The following ADPRHL1 variants were observed in gnomAD, a reference collection of about 807,000 sequenced individuals.
ADPRHL1 encodes the protein inactive ADP-ribosyltransferase ARH2.
A neutral mutation model predicts 44.1 loss-of-function variants in ADPRHL1; 43 were observed. The ratio of observed to expected loss-of-function variants is 0.98; its 90% CI spans 0.76 to 1.26. The LOEUF (loss-of-function observed/expected upper bound fraction) is 1.26, where lower values mean the gene tolerates loss of function less well. Ranked by LOEUF, ADPRHL1 falls within the 50% of genes most tolerant of loss-of-function variation. ADPRHL1 has a pLI of 0.00. For missense variants in ADPRHL1, 2,022 were observed against 2,496.9 expected, an observed-to-expected ratio of 0.81 and a Z score of 4.05; for synonymous variants, 878 against 1,017.4, an observed-to-expected ratio of 0.86 and a Z score of 2.61.
chr13:113,408,319 C>T lies in ADPRHL1; in HGVS notation c.1062-99G>A, dbSNP rs1034445190. On this transcript the variant is annotated intron_variant, in intron 7 of 7. Transcript: ENST00000612156. Reference sequence around the variant, plus strand: ...TGGGGCAATCCCACCTTTTCAGGGGCCCCAAAAGTCTGGTAGGGAGAAAAA... The same window carrying T: ...TGGGGCAATCCCACCTTTTCAGGGGTCCCAAAAGTCTGGTAGGGAGAAAAA... 31 of 1,181,050 alleles carry T rather than the reference C, an allele frequency of 2.6e-5. No individual in the cohort carries two copies. In the East Asian group the frequency reaches 9.2e-4, roughly 35 times the overall value. 73.2% of individuals were successfully genotyped at this position (1,181,050 alleles called of 1,614,324 possible).
Position 113,433,106 on chromosome 13 carries a change from C to T in ADPRHL1, c.505+636G>A, listed in dbSNP as rs75093264. Reference sequence around the variant, plus strand: ...GTTAAGGGGGCGACATGATCCAACCCGCTTCACCCTCACACAGCCCGATTT... The same window carrying T: ...GTTAAGGGGGCGACATGATCCAACCTGCTTCACCCTCACACAGCCCGATTT... On this transcript the variant is annotated intron_variant, in intron 3 of 7. Transcript: ENST00000612156. 4.5e-3 allele frequency among the ~76,000 whole-genome samples: 687 copies of T among 152,294 alleles called. 5 individuals carry two copies. Among genetic ancestry groups the T allele is most frequent in the African/African-American group, 0.015 (609 of 41,556 alleles).
chr13:113,408,634 G>T (rs760365570), intron 7 of ADPRHL1, among the ~76,000 whole-genome samples: 19 of 152,244 alleles, frequency 1.2e-4, no homozygotes, highest in Non-Finnish European at 2.9e-5. Context: ...TGTGTGGACT[G>T]TGTATGTCTC....
Position 113,407,689 on chromosome 13 carries a change from G to C in ADPRHL1, c.1593C>G (p.Pro531=), listed in dbSNP as rs1207324968. ...EAREKPPVER[P]KAARGLLPKI... ...TCGGCAAGAGGCCCCTGGCGGCTTT[G>C]GGCCGCTCCACAGGGGGCTTCTCGC... is the stretch of plus-strand genomic sequence containing the variant. The change falls in exon 8 of 8, where the codon CCC becomes CCG. Residue 531 remains proline (P), a synonymous_variant. Coordinates refer to ENST00000612156, the MANE Select transcript of ADPRHL1 (RefSeq NM_001394807.1). 14 of 1,232,084 alleles carry C rather than the reference G, an allele frequency of 1.1e-5. No homozygotes were observed. The highest frequency in any genetic ancestry group is 1.4e-5 in the Non-Finnish European group (14 of 988,012). 76.3% of individuals were successfully genotyped at this position (1,232,084 alleles called of 1,614,324 possible).
chr13:113,425,081 CG>C lies in ADPRHL1; in HGVS notation c.744del (p.Asp249ThrfsTer30), dbSNP rs2043958381. 2 of 1,613,566 alleles carry C rather than the reference CG, an allele frequency of 1.2e-6. No individual in the cohort carries two copies. The highest frequency in any genetic ancestry group is 1.7e-6 in the Non-Finnish European group (2 of 1,179,924). ...SKDSENKAIF[P>X]DNYDAEEREK... ...TCCCTCTCTTCTGCATCATAATTGTCGGGGAAGATGGCTTTATTTTCTGAGT... is the reference window on the plus strand; with the variant it reads ...TCCCTCTCTTCTGCATCATAATTGTCGGGAAGATGGCTTTATTTTCTGAGT... On this transcript the variant is annotated frameshift_variant, in exon 5 of 8. Coordinates refer to ENST00000612156, the MANE Select transcript of ADPRHL1 (RefSeq NM_001394807.1). LOFTEE classifies it high-confidence loss of function.
chr13:113,453,133 G>A lies in ADPRHL1; in HGVS notation c.214+91C>T. 30 of 1,414,350 alleles carry A rather than the reference G, an allele frequency of 2.1e-5. No individual in the cohort carries two copies. The highest frequency in any genetic ancestry group is 3.0e-5 in the Non-Finnish European group (30 of 1,014,110). 87.6% of individuals were successfully genotyped at this position (1,414,350 alleles called of 1,614,324 possible). A position where few individuals can be genotyped will look rare whatever the true frequency, so the allele number is the denominator to read the frequency against. On this transcript the variant is annotated intron_variant, in intron 1 of 7. Transcript: ENST00000612156. This position sits in a 1 kb window ranked among gnomAD's most constrained non-coding sequence, Gnocchi z 5.4. ...ACACCATCCGCTGAAGGACCGCACT[G>A]CCTTCAAAGCTCTCGGAGGCTTACT...
intron 1 of ADPRHL1, among the ~76,000 whole-genome samples, chr13:113,450,395 G>A (rs1490781374): frequency 2.0e-5 from 3 of 152,186 alleles, no homozygotes; most frequent in Admixed American, 1.3e-4. Flanking sequence ...GGGTCGGTGG[G>A]TCTCTCCCTG....
At chr13:113,423,706 G>A (rs867711751) in intron 6 of ADPRHL1, among the ~76,000 whole-genome samples, 21 of 152,254 alleles carry the variant, frequency 1.4e-4, no homozygotes, top group Non-Finnish European at 1.9e-4. Flanking sequence ...GGCCAGAGAC[G>A]GCCAGGGCGG....
chr13:113,428,647 T>G (rs915994874), intron 4 of ADPRHL1, among the ~76,000 whole-genome samples: 1 of 152,214 alleles, frequency 6.6e-6, no homozygotes, highest in African/African-American at 2.4e-5. Context: ...GCCAGTCGCT[T>G]GGTGCCGCGG....
rs770573543 is a variant in ADPRHL1 at position 113,441,223 on chromosome 13, A to G, written c.379+3202T>C. Among the ~76,000 whole-genome samples the G allele has an allele frequency of 6.6e-5, 10 of 152,132 alleles. No homozygotes were observed. Among genetic ancestry groups the G allele is most frequent in the Admixed American group, 1.3e-4 (2 of 15,280 alleles). ...GGGACCTGCTTCTTTATCTAATGTG[A>G]CAACTTCTGACTGTTATTGGGGGTC... On this transcript the variant is annotated intron_variant, in intron 2 of 7. Coordinates refer to ENST00000612156, the MANE Select transcript of ADPRHL1 (RefSeq NM_001394807.1). This position sits in a 1 kb window ranked among gnomAD's most constrained non-coding sequence, Gnocchi z 6.0.
intron 7 of ADPRHL1, chr13:113,421,865 C>T (rs1041887645): frequency 2.0e-5 from 3 of 152,272 alleles, no homozygotes; most frequent in Non-Finnish European, 4.4e-5. Flanking sequence ...GGGATTCCAA[C>T]TCTGCCCAGA....
In ADPRHL1 at chr13:113,407,622, T is replaced by C; in HGVS notation, c.1660A>G (p.Lys554Glu). 8.1e-7 allele frequency: 1 copy of C among 1,232,076 alleles called. No individual in the cohort carries two copies. The highest frequency in any genetic ancestry group is 3.2e-5 in the East Asian group (1 of 31,704). 76.3% of individuals were successfully genotyped at this position (1,232,076 alleles called of 1,614,324 possible). The change falls in exon 8 of 8, where the codon AAG becomes GAG. Residue 554 changes from lysine to glutamate, a missense_variant. Around this residue, in one of 8 missense-constraint regions of ADPRHL1, gnomAD observed 1,221 missense variants for 1,517.8 expected, o/e 0.80. Transcript: ENST00000612156. ...KSSVLSKLRE[K>E]FEQNSCLCSE... Reference sequence around the variant, plus strand: ...CACAGGCAGCTGTTCTGCTCGAACTTCTCCCGCAGCTTGGACAGCACCGAG... The same window carrying C: ...CACAGGCAGCTGTTCTGCTCGAACTCCTCCCGCAGCTTGGACAGCACCGAG...
chr13:113,410,384 T>A (rs1487328270), intron 7 of ADPRHL1, among the ~76,000 whole-genome samples: 1 of 151,938 alleles, frequency 6.6e-6, no homozygotes, highest in African/African-American at 2.4e-5. Flanking sequence ...TTTTAACGAG[T>A]CCCTGGTGAT....
rs1011233496 is a variant in ADPRHL1 at position 113,441,305 on chromosome 13, C to T, written c.379+3120G>A. On this transcript the variant is annotated intron_variant, in intron 2 of 7. Transcript: ENST00000612156. The surrounding 1 kb of genome is among the most constrained non-coding windows in gnomAD (Gnocchi z 6.0). Reference sequence around the variant, plus strand: ...TTATCTTGTTTGTTTTCTACCTGTACTGTCTAGTATTTGTCCCTCCTTCCC... The same window carrying T: ...TTATCTTGTTTGTTTTCTACCTGTATTGTCTAGTATTTGTCCCTCCTTCCC... 6.6e-6 allele frequency among the ~76,000 whole-genome samples: 1 copy of T among 152,156 alleles called. No individual in the cohort carries two copies.
At chr13:113,434,369 G>A (rs2044031228) in intron 2 of ADPRHL1, among the ~76,000 whole-genome samples, 1 of 148,308 alleles carries the variant, frequency 6.7e-6, no homozygotes, top group Admixed American at 6.7e-5. Context: ...ATGAACATAG[G>A]TGTACCCTGG....
intron 3 of ADPRHL1, among the ~76,000 whole-genome samples, chr13:113,430,590 C>T (rs1198212132): frequency 1.3e-5 from 2 of 152,118 alleles, no homozygotes; most frequent in Non-Finnish European, 2.9e-5. Flanking sequence ...GGTTGTCGTA[C>T]TAGTGACGGT....
intron 1 of ADPRHL1, among the ~76,000 whole-genome samples, chr13:113,445,466 C>T (rs1460911333): frequency 6.6e-6 from 1 of 152,228 alleles, no homozygotes; most frequent in Non-Finnish European, 1.5e-5. Context: ...GTGGGGCCGG[C>T]GAGGGCGCCC....
intron 2 of ADPRHL1, among the ~76,000 whole-genome samples, chr13:113,435,999 G>A (rs927529066): frequency 2.6e-5 from 4 of 151,798 alleles, no homozygotes; most frequent in East Asian, 1.9e-4. Context: ...CATGTAGAGT[G>A]AACATAGGTG....
chr13:113,422,810 G>A lies in ADPRHL1; in HGVS notation c.1061+16C>T, dbSNP rs373260819. Reference sequence around the variant, plus strand: ...GAATCGGCTCTCTAGGGGGAAAGTGGCAGAAATGGCTTTACTTCTCCTCTG... The same window carrying A: ...GAATCGGCTCTCTAGGGGGAAAGTGACAGAAATGGCTTTACTTCTCCTCTG... On this transcript the variant is annotated intron_variant, in intron 7 of 7. Transcript: ENST00000612156. 17 of 1,612,598 alleles carry A rather than the reference G, an allele frequency of 1.1e-5. No homozygotes were observed. The African/African-American group carries it at 2.0e-4, about 19-fold the overall frequency.
rs114653087 is a variant in ADPRHL1, at chr13:113,417,800, C to T, written c.1061+5026G>A. 5.0e-3 allele frequency among the ~76,000 whole-genome samples: 761 copies of T among 152,376 alleles called. 8 individuals are homozygous for T. Among genetic ancestry groups the T allele is most frequent in the African/African-American group, 0.016 (685 of 41,586 alleles). ...TGTTAACTGGAAATGCGTTTACACACGAGGGATTTTTACCAGGGGAGCTGC... is the reference window on the plus strand; with the variant it reads ...TGTTAACTGGAAATGCGTTTACACATGAGGGATTTTTACCAGGGGAGCTGC... On this transcript the variant is annotated intron_variant, in intron 7 of 7. Coordinates refer to ENST00000612156, the MANE Select transcript of ADPRHL1 (RefSeq NM_001394807.1).
Sources: gnomAD v4.1 joint callset for allele counts (sites outside exome capture counted in the v4.1 genomes callset) on GRCh38, gnomAD v4.1.1 for gene constraint, gnomAD v4.1.1 regional missense constraint, Gnocchi (gnomAD v3.1) non-coding constraint, MANE v1.5 for transcripts, NCBI Gene and HGNC (gene_info 2026-07-23, HGNC 2026-07-21) for gene names.